The following RHD variants were observed in gnomAD, a reference collection of about 807,000 sequenced individuals.
The protein encoded by RHD is blood group Rh(D) polypeptide.
A neutral mutation model predicts 45.5 loss-of-function variants in RHD; 16 were observed. The observed-to-expected ratio is 0.35, with a 90% CI of 0.24 to 0.53. The LOEUF (loss-of-function observed/expected upper bound fraction) is 0.53. RHD is among the 20% of genes least tolerant of loss of function. RHD has a pLI of 0.92. For synonymous variants in RHD, 131 were observed against 217.5 expected, an observed-to-expected ratio of 0.60 and a Z score of 3.50; for missense variants, 306 against 532.0, an observed-to-expected ratio of 0.58 and a Z score of 4.18.
chr1:25,313,846 T>C (rs112851708), intron 7 of RHD, among the ~76,000 whole-genome samples: 13 of 132,674 alleles, frequency 9.8e-5, no homozygotes, highest in East Asian at 3.9e-4. Context: ...TGCAAGAAAA[T>C]GAGATAAACA....
In RHD at chr1:25,291,356, C is replaced by G. The variant is rs1205019360; in HGVS notation, c.486+565C>G. 1.2e-4 allele frequency among the ~76,000 whole-genome samples: 16 copies of G among 130,988 alleles called. 1 individual carries two copies. The highest frequency in any genetic ancestry group is 3.6e-4 in the African/African-American group (14 of 38,448). 85.9% of individuals were successfully genotyped at this position (130,988 alleles called of 152,430 possible). On this transcript the variant is annotated intron_variant, in intron 3 of 9. Transcript: ENST00000328664. ...TGGTGGCAGGCGCCTGTAATCCCAGCTACTCAGGAGGCTGAGGCAAGAGAA... is the reference window on the plus strand; with the variant it reads ...TGGTGGCAGGCGCCTGTAATCCCAGGTACTCAGGAGGCTGAGGCAAGAGAA...
intron 8 of RHD, among the ~76,000 whole-genome samples, chr1:25,320,002 G>A: frequency 7.6e-6 from 1 of 131,416 alleles, no homozygotes; most frequent in East Asian, 2.0e-4. Context: ...GGGTTCAAGT[G>A]ATTCTCCTGC....
chr1:25,301,234 G>C, intron 4 of RHD, 141 bp downstream of exon 4: 1 of 925,978 alleles, frequency 1.1e-6, no homozygotes, highest in East Asian at 2.3e-5. Context: ...ATTTCTTTGA[G>C]TAGTGTTTGC....
chr1:25,293,864 G>A (rs1400122438), intron 3 of RHD, among the ~76,000 whole-genome samples: 3 of 132,110 alleles, frequency 2.3e-5, no homozygotes, highest in African/African-American at 7.8e-5. Flanking sequence ...TTAAGAGATT[G>A]AGAAATTAAA....
At chr1:25,320,057 C>A (rs1206733237) in intron 8 of RHD, among the ~76,000 whole-genome samples, 1 of 131,260 alleles carries the variant, frequency 7.6e-6, no homozygotes, top group East Asian at 2.0e-4. Flanking sequence ...CACCACCACA[C>A]CCGGCTAATT....
At chr1:25,310,330 T>C (rs1644074165) in intron 7 of RHD, among the ~76,000 whole-genome samples, 1 of 132,944 alleles carries the variant, frequency 7.5e-6, no homozygotes, top group African/African-American at 2.5e-5. Flanking sequence ...TGGTGACTTA[T>C]AAGAAGAGAA....
At chr1:25,285,580 T>C (rs1557522305) in intron 2 of RHD, among the ~76,000 whole-genome samples, 1 of 135,146 alleles carries the variant, frequency 7.4e-6, no homozygotes, top group African/African-American at 2.6e-5. Flanking sequence ...AACTAATGTA[T>C]GGTGCCAGAA....
intron 6 of RHD, chr1:25,304,546 T>G (rs550757571): frequency 7.9e-6 from 1 of 127,360 alleles, no homozygotes; most frequent in Non-Finnish European, 1.8e-5. Flanking sequence ...TGCAGTGAGC[T>G]GAAATCGTGC....
Position 25,272,791 on chromosome 1 carries a change from A to G in RHD, c.148+96A>G, listed in dbSNP as rs1640603703. 14 of 1,303,102 alleles carry G rather than the reference A, an allele frequency of 1.1e-5. 4 individuals carry two copies. Among genetic ancestry groups the G allele is most frequent in the Non-Finnish European group, 1.5e-5 (14 of 918,126 alleles). The allele number at this position is 1,303,102 out of a possible 1,614,324, so 80.7% of individuals were successfully genotyped here. A position where few individuals can be genotyped will look rare whatever the true frequency, so the allele number is the denominator to read the frequency against. On this transcript the variant is annotated intron_variant, in intron 1 of 9. Transcript: ENST00000328664. ...TCCAGGGGCACAGATGTTCCTTTCTACAAAATCCCAAGGAAAAAGATTCCC... is the reference window on the plus strand; with the variant it reads ...TCCAGGGGCACAGATGTTCCTTTCTGCAAAATCCCAAGGAAAAAGATTCCC...
In RHD at chr1:25,302,776, C is replaced by T. The variant is rs563383637; in HGVS notation, c.802-546C>T. Among the ~76,000 whole-genome samples the T allele has an allele frequency of 3.8e-5, 5 of 131,266 alleles. 2 individuals carry two copies. Among genetic ancestry groups the T allele is most frequent in the African/African-American group, 1.3e-4 (5 of 38,186 alleles). 86.1% of individuals were successfully genotyped at this position (131,266 alleles called of 152,430 possible). ...ATTTATTCATGTTCTATGCCAGACA[C>T]TGGGCTAAGAGCTTTATATGTGGAA... On this transcript the variant is annotated intron_variant, in intron 5 of 9. Coordinates refer to ENST00000328664, the MANE Select transcript of RHD (RefSeq NM_016124.6).
At chr1:25,275,331 G>A (rs1276462978) in intron 1 of RHD, among the ~76,000 whole-genome samples, 5 of 131,930 alleles carry the variant, frequency 3.8e-5, no homozygotes, top group African/African-American at 1.3e-4. Flanking sequence ...GGAAGCAGCG[G>A]GTGGCAGACT....
intron 3 of RHD, among the ~76,000 whole-genome samples, chr1:25,291,568 A>T (rs1296794064): frequency 7.5e-6 from 1 of 132,994 alleles, no homozygotes; most frequent in Admixed American, 7.3e-5. Flanking sequence ...TTTAAACACA[A>T]CAAACCAATG....
chr1:25,314,206 G>A lies in RHD; in HGVS notation c.1074-2794G>A, dbSNP rs1055798915. Among the ~76,000 whole-genome samples, 2 of 132,976 alleles carry A rather than the reference G, an allele frequency of 1.5e-5. 1 individual carries two copies. The highest frequency in any genetic ancestry group is 1.5e-4 in the Admixed American group (2 of 13,684). The allele number at this position is 132,976 out of a possible 152,430, so 87.2% of individuals were successfully genotyped here. ...TTGCGCCAATCTAATCACCAGTAGTGTATAGAAGCTCCTTTTACTCCACAT... is the reference window on the plus strand; with the variant it reads ...TTGCGCCAATCTAATCACCAGTAGTATATAGAAGCTCCTTTTACTCCACAT... On this transcript the variant is annotated intron_variant, in intron 7 of 9. Coordinates refer to ENST00000328664, the MANE Select transcript of RHD (RefSeq NM_016124.6).
intron 7 of RHD, among the ~76,000 whole-genome samples, chr1:25,311,470 A>T (rs1644143744): frequency 7.7e-6 from 1 of 130,392 alleles, no homozygotes; most frequent in African/African-American, 2.6e-5. Context: ...GCTTGCAGTG[A>T]GCCAAGATCG....
chr1:25,291,798 G>C (rs1169139190), intron 3 of RHD, among the ~76,000 whole-genome samples: 1 of 132,404 alleles, frequency 7.6e-6, no homozygotes, highest in African/African-American at 2.6e-5. Context: ...TGAAGGTAAG[G>C]CCAATCCAAA....
intron 2 of RHD, among the ~76,000 whole-genome samples, chr1:25,287,172 C>T (rs1441086280): frequency 7.4e-6 from 1 of 134,406 alleles, no homozygotes; most frequent in Non-Finnish European, 1.8e-5. Flanking sequence ...TGCACGCATA[C>T]ACACACTGTG....
In RHD at chr1:25,282,469, A is replaced by G. The variant is rs554150334; in HGVS notation, c.149-2104A>G. On this transcript the variant is annotated intron_variant, in intron 1 of 9. Coordinates refer to ENST00000328664, the MANE Select transcript of RHD (RefSeq NM_016124.6). ...AGGCTAGTCTCGAACTGCTGACTTC[A>G]TGATCTGCCCACCTCATCCTCCTAA... Among the ~76,000 whole-genome samples, 33 of 131,828 alleles carry G rather than the reference A, an allele frequency of 2.5e-4. 2 individuals are homozygous for G. The East Asian group carries it at 5.7e-3, about 23-fold the overall frequency. The allele number at this position is 131,828 out of a possible 152,430, so 86.5% of individuals were successfully genotyped here. A position where few individuals can be genotyped will look rare whatever the true frequency, so the allele number is the denominator to read the frequency against.
chr1:25,296,759 A>G (rs1217305267), intron 3 of RHD, among the ~76,000 whole-genome samples: 1 of 120,340 alleles, frequency 8.3e-6, no homozygotes, highest in African/African-American at 2.7e-5. Flanking sequence ...TCTCTCTCTC[A>G]CCTGACACCA....
At chr1:25,303,530 A>G (rs2124681723) in intron 6 of RHD, 71 bp downstream of exon 6, 1 of 1,298,094 alleles carries the variant, frequency 7.7e-7, no homozygotes, top group East Asian at 2.2e-5. Context: ...CTGATGGGCC[A>G]CTGTGCAGTG....
Sources: gnomAD v4.1 joint callset for allele counts (sites outside exome capture counted in the v4.1 genomes callset) on GRCh38, gnomAD v4.1.1 for gene constraint, MANE v1.5 for transcripts, NCBI Gene and HGNC (gene_info 2026-07-23, HGNC 2026-07-21) for gene names.